PAFAH2: variants seen among roughly 807,000 people sequenced by gnomAD.
PAFAH2 encodes the protein platelet activating factor acetylhydrolase 2.
PAFAH2 carries 42 observed loss-of-function variants against 49.0 expected under a neutral mutation model. The observed-to-expected ratio is 0.86, with a 90% CI of 0.67 to 1.11. The LOEUF is 1.11. Among genes scored for constraint, PAFAH2 ranks in the 50% least tolerant of loss-of-function variants. The pLI, the probability that PAFAH2 is intolerant of heterozygous loss-of-function variation, is 0.00. For missense variants in PAFAH2, 503 were observed against 501.8 expected, an observed-to-expected ratio of 1.00 and a Z score of -0.02; for synonymous variants, 184 against 181.3, an observed-to-expected ratio of 1.01 and a Z score of -0.12.
chr1:25,982,610 C>A, intron 6 of PAFAH2, 133 bp from the exon 7 acceptor site: 1 of 654,436 alleles, frequency 1.5e-6, no homozygotes, highest in Non-Finnish European at 2.7e-6. Flanking sequence ...CCTTGGGTGC[C>A]ATGTCCTGAG....
chr1:25,978,380 T>C (rs933185150), intron 7 of PAFAH2, among the ~76,000 whole-genome samples: 7 of 152,186 alleles, frequency 4.6e-5, no homozygotes, highest in African/African-American at 1.4e-4. Flanking sequence ...CATGAATATA[T>C]ACACTTTCCC....
intron 7 of PAFAH2, among the ~76,000 whole-genome samples, chr1:25,981,228 AT>A (rs931166310): frequency 2.6e-4 from 39 of 150,742 alleles, no homozygotes; most frequent in South Asian, 1.7e-3. Flanking sequence ...TGTAAAAAAA[AT>A]ATACACATAT....
intron 10 of PAFAH2, among the ~76,000 whole-genome samples, chr1:25,967,031 C>CAAA (rs34853555): frequency 1.5e-4 from 13 of 84,162 alleles, no homozygotes; most frequent in East Asian, 6.8e-4. Context: ...GACGCCTTCT[C>CAAA]AAAAAAAAAA....
rs2049958201 is a variant in PAFAH2 at position 25,997,869 on chromosome 1, C to CG, written c.-48+155dup. Reference sequence around the variant, plus strand: ...GGCGACCGTGGGAGGGTCAAGGGAGCGGGTGGCTACAGGTGTCTGAATAGG... The same window carrying CG: ...GGCGACCGTGGGAGGGTCAAGGGAGCGGGGTGGCTACAGGTGTCTGAATAGG... On this transcript the variant is annotated intron_variant, in intron 1 of 10. Coordinates refer to ENST00000374282, the MANE Select transcript of PAFAH2 (RefSeq NM_000437.4). Among the ~76,000 whole-genome samples, 4 of 152,110 alleles carry CG rather than the reference C, an allele frequency of 2.6e-5. No individual in the cohort carries two copies. In the South Asian group the frequency reaches 8.3e-4, roughly 32 times the overall value.
chr1:25,988,937 G>A (rs546257249), intron 3 of PAFAH2, among the ~76,000 whole-genome samples: 2 of 152,064 alleles, frequency 1.3e-5, no homozygotes, highest in South Asian at 4.1e-4. Flanking sequence ...TGGGACCTTT[G>A]GGGGAAGTGG....
rs747957709 is a variant in PAFAH2, at chr1:25,982,422, G to A, written c.608C>T (p.Thr203Ile). Residue 203 changes from threonine (T) to isoleucine (I), a missense_variant, in exon 7 of 11, where the codon ACT becomes ATT. Thr to Ile is a moderately conservative substitution (Grantham distance 89, BLOSUM62 -1). Coordinates refer to ENST00000374282, the MANE Select transcript of PAFAH2 (RefSeq NM_000437.4). ...GATGTTGAAGACAGTCTGCCCAGCA[G>A]TGACCTCTTGCAGGATCTTCAACAC... Reference protein sequence around the residue: ...LRVLKILQEVTAGQTVFNILP... With the variant: ...LRVLKILQEVIAGQTVFNILP... The A allele has an allele frequency of 2.4e-5, 38 of 1,614,040 alleles. No individual in the cohort carries two copies. In the Admixed American group the frequency reaches 6.3e-4, roughly 27 times the overall value.
intron 10 of PAFAH2, among the ~76,000 whole-genome samples, chr1:25,966,122 A>G (rs1189613009): frequency 1.3e-5 from 2 of 152,198 alleles, no homozygotes; most frequent in Non-Finnish European, 2.9e-5. Flanking sequence ...GAAACAATAA[A>G]TGCTGGTGAG....
intron 8 of PAFAH2, 128 bp from the exon 9 acceptor site, chr1:25,974,778 CAGGGCCCACGGCCTTCAGTCAGGATCTT>C: frequency 1.4e-6 from 1 of 736,032 alleles, no homozygotes; most frequent in Non-Finnish European, 2.2e-6. Context: ...AGGGGGGTAC[CAGGGCCCACGGCCTTCAGTCAGGATCTT>C]AGGTAGGGAT....
rs150853838 is a variant in PAFAH2 at position 25,976,737 on chromosome 1, G to A, written c.703C>T (p.His235Tyr). The A allele has an allele frequency of 2.7e-3, 4,314 of 1,614,168 alleles. 4 individuals are homozygous for A. Among genetic ancestry groups the A allele is most frequent in the Non-Finnish European group, 3.5e-3 (4,132 of 1,180,008 alleles). Residue 235 changes from histidine to tyrosine, a missense_variant, in exon 8 of 11, where the codon CAT becomes TAT. By Grantham distance (83) the His-to-Tyr change is moderately conservative. Transcript: ENST00000374282. ...IDMSRVAVMG[H>Y]SFGGATAILA... ...ATAGCTGTGGCCCCTCCAAATGAAT[G>A]TCCCATCACAGCCACACGGCTCATG...
At chr1:25,985,204 G>T (rs2049764858) in intron 4 of PAFAH2, among the ~76,000 whole-genome samples, 1 of 152,128 alleles carries the variant, frequency 6.6e-6, no homozygotes, top group Admixed American at 6.5e-5. Context: ...GTGTCACCTT[G>T]GGCAAGTCTG....
At chr1:25,982,206 T>C (rs889151751) in intron 7 of PAFAH2, among the ~76,000 whole-genome samples, 158 bp downstream of exon 7, 1 of 152,012 alleles carries the variant, frequency 6.6e-6, no homozygotes, top group Non-Finnish European at 1.5e-5. Flanking sequence ...AGACCCTGGG[T>C]CTAACTACAC....
intron 10 of PAFAH2, among the ~76,000 whole-genome samples, chr1:25,970,179 A>G (rs923038630): frequency 3.3e-5 from 5 of 152,214 alleles, no homozygotes; most frequent in Admixed American, 3.3e-4. Flanking sequence ...TCCAGAGCAC[A>G]GAGACGGCCA....
At position 25,979,317 on chromosome 1, in the gene PAFAH2, GC is replaced by G. The variant is rs761727873; in HGVS notation, c.667-2545del. Among the ~76,000 whole-genome samples the G allele has an allele frequency of 2.4e-3, 350 of 145,960 alleles. 4 individuals are homozygous for G. The highest frequency in any genetic ancestry group is 4.0e-3 in the East Asian group (20 of 4,940). ...GGACTGTAGCCTGCCATTTACCAAT[GC>G]CTTTTTTTTTTTTTTTTGAGATAGT... On this transcript the variant is annotated intron_variant, in intron 7 of 10. Transcript: ENST00000374282.
intron 7 of PAFAH2, among the ~76,000 whole-genome samples, chr1:25,979,671 G>C (rs1192077154): frequency 6.6e-6 from 1 of 152,034 alleles, no homozygotes; most frequent in African/African-American, 2.4e-5. Flanking sequence ...TGTATTTTTA[G>C]TAGAGACGGG....
At position 25,988,237 on chromosome 1, in the gene PAFAH2, G is replaced by A. The variant is rs1045176774; in HGVS notation, c.335C>T (p.Ala112Val). 1.3e-6 allele frequency: 2 copies of A among 1,594,850 alleles called. No homozygotes were observed. The highest frequency in any genetic ancestry group is 1.7e-6 in the Non-Finnish European group (2 of 1,170,626). ...PLIIFSHGLGAFRTLYSAFCM... is the reference protein window; with the variant it reads ...PLIIFSHGLGVFRTLYSAFCM... Reference sequence around the variant, plus strand: ...GGGGGAAAGAAGCTCTTACCTGAAGGCTCCTAGGCCATGGGAGAAGATGAT... The same window carrying A: ...GGGGGAAAGAAGCTCTTACCTGAAGACTCCTAGGCCATGGGAGAAGATGAT... The change falls in exon 4 of 11, where the codon GCC (alanine) becomes GTC (valine). Residue 112 changes from alanine to valine, a missense_variant. Transcript: ENST00000374282.
At chr1:25,969,935 T>C (rs1452258245) in intron 10 of PAFAH2, among the ~76,000 whole-genome samples, 1 of 152,182 alleles carries the variant, frequency 6.6e-6, no homozygotes, top group African/African-American at 2.4e-5. Context: ...GTGATAAGAA[T>C]GATGCCCTAA....
intron 10 of PAFAH2, among the ~76,000 whole-genome samples, chr1:25,969,624 C>T (rs980709738): frequency 1.6e-4 from 24 of 152,256 alleles, no homozygotes; most frequent in East Asian, 1.9e-4. Flanking sequence ...GAATTACACG[C>T]GATAAAGCAG....
At chr1:25,965,876 GA>G (rs35780536) in intron 10 of PAFAH2, among the ~76,000 whole-genome samples, 67,102 of 108,000 alleles carry the variant, frequency 0.62, 20,287 homozygotes, top group East Asian at 0.74. Context: ...AACTCAACAA[GA>G]AAAAAAAAAA....
rs916048075 is a variant in PAFAH2 at position 25,960,465 on chromosome 1, G to T, written c.*1524C>A. 6.6e-6 allele frequency: 1 copy of T among 152,668 alleles called. No homozygotes were observed. The highest frequency in any genetic ancestry group is 2.4e-5 in the African/African-American group (1 of 41,468). The allele number at this position is 152,668 out of a possible 1,614,324, so 9.5% of individuals were successfully genotyped here. A position where few individuals can be genotyped will look rare whatever the true frequency, so the allele number is the denominator to read the frequency against. On this transcript the variant is annotated 3_prime_UTR_variant, in exon 11 of 11. Transcript: ENST00000374282. ...TTTTTTTCCCACATGGGCCCAAGTA[G>T]TAAGCGAACACAGAAGAAAGACAGA...
Sources: allele counts gnomAD v4.1 joint callset (sites outside exome capture counted in the v4.1 genomes callset), GRCh38; gene constraint gnomAD v4.1.1; transcripts MANE v1.5; gene names NCBI Gene and HGNC (gene_info 2026-07-23, HGNC 2026-07-21).